The following RETNLB variants were observed in gnomAD, a reference collection of about 807,000 sequenced individuals.
RETNLB encodes resistin-like beta.
RETNLB carries 11 observed loss-of-function variants against 6.8 expected under a neutral mutation model. That is an observed-to-expected ratio of 1.62 (90% CI 1.02 to 2.68). The LOEUF is 2.68. Among genes scored for constraint, RETNLB ranks in the 30% most tolerant of loss-of-function variants. The pLI, the probability that RETNLB is intolerant of heterozygous loss-of-function variation, is 0.00. For synonymous variants in RETNLB, 57 were observed against 54.2 expected (o/e 1.05, Z -0.23); for missense variants, 146 against 135.7 (o/e 1.08, Z -0.38).
chr3:108,756,939 C>T lies in RETNLB; in HGVS notation c.127+120G>A, dbSNP rs1945254439. 7.7e-6 allele frequency: 9 copies of T among 1,163,632 alleles called. No individual in the cohort carries two copies. The Admixed American group carries it at 2.2e-4, about 29-fold the overall frequency. The allele number at this position is 1,163,632 out of a possible 1,614,324, so 72.1% of individuals were successfully genotyped here. A position where few individuals can be genotyped will look rare whatever the true frequency, so the allele number is the denominator to read the frequency against. On this transcript the variant is annotated intron_variant, in intron 1 of 2. Coordinates refer to ENST00000295755, the MANE Select transcript of RETNLB (RefSeq NM_032579.3). ...AACACGGGTAGGGTAGTGTAGAAAG[C>T]CCTCATCAGGGGTTGGGCTTGGTTG... is the stretch of plus-strand genomic sequence containing the variant.
chr3:108,756,187 T>G (rs1945249161), intron 2 of RETNLB, among the ~76,000 whole-genome samples: 1 of 152,144 alleles, frequency 6.6e-6, no homozygotes, highest in African/African-American at 2.4e-5. Flanking sequence ...TGTTGGCCCC[T>G]ACCCATCAAA....
At chr3:108,756,614 A>T (rs770382605) in intron 1 of RETNLB, 26 bp from the exon 2 acceptor site, 1 of 1,495,392 alleles carries the variant, frequency 6.7e-7, no homozygotes, top group South Asian at 1.1e-5. Flanking sequence ...GAAAGGGTAC[A>T]TCCCATGAGC....
At chr3:108,756,003 A>C (rs76279379) in intron 2 of RETNLB, 98 bp from the exon 3 acceptor site, 1 of 1,450,800 alleles carries the variant, frequency 6.9e-7, no homozygotes, top group Admixed American at 1.8e-5. Flanking sequence ...AGTCAGGGGT[A>C]GAGCTAGGTT....
chr3:108,756,918 CG>C (rs1945254112), intron 1 of RETNLB, 140 bp downstream of exon 1: 1 of 935,712 alleles, frequency 1.1e-6, no homozygotes, highest in African/African-American at 1.7e-5. Flanking sequence ...ACTTCAAACA[CG>C]GGTAGGGTAG....
At position 108,756,637 on chromosome 3, in the gene RETNLB, AATCCCCTT is replaced by A. The variant is rs781438867; in HGVS notation, c.128-57_128-50del. 56 of 1,297,398 alleles carry A rather than the reference AATCCCCTT, an allele frequency of 4.3e-5. No individual in the cohort carries two copies. The South Asian group carries it at 5.9e-4, about 14-fold the overall frequency. 80.4% of individuals were successfully genotyped at this position (1,297,398 alleles called of 1,614,324 possible). On this transcript the variant is annotated intron_variant, in intron 1 of 2. Transcript: ENST00000295755. ...ACATCCCATGAGCTATCCTCCCCAT[AATCCCCTT>A]ATCCCCTTCCAAATTGTCTTCTACC...
chr3:108,755,843 T>C lies in RETNLB; in HGVS notation c.271A>G (p.Thr91Ala). 3 of 1,613,256 alleles carry C rather than the reference T, an allele frequency of 1.9e-6. No homozygotes were observed. Among genetic ancestry groups the C allele is most frequent in the Non-Finnish European group, 1.7e-6 (2 of 1,179,920 alleles). The change falls in exon 3 of 3, where the codon ACC becomes GCC. Residue 91 changes from threonine to alanine, a missense_variant. Coordinates refer to ENST00000295755, the MANE Select transcript of RETNLB (RefSeq NM_032579.3). ...GCGSWDVQLE[T>A]TCHCQCSVVD... The stretch of plus-strand genomic sequence containing the variant: ...ACACTGCACTGGCAGTGGCAGGTGG[T>C]TTCCAGCTGAACATCCCACGAACCA...
chr3:108,756,874 C>T (rs1326280326), intron 1 of RETNLB, 185 bp downstream of exon 1: 4 of 650,664 alleles, frequency 6.1e-6, no homozygotes, highest in Non-Finnish European at 1.0e-5. Context: ...CCACCTCTTC[C>T]TCCTCATCAG....
chr3:108,755,935 G>C, intron 2 of RETNLB, 30 bp from the exon 3 acceptor site: 1 of 1,613,862 alleles, frequency 6.2e-7, no homozygotes, highest in Non-Finnish European at 8.5e-7. Flanking sequence ...ACAGACATCA[G>C]AGCTCTTGGA....
At chr3:108,756,019 G>A in intron 2 of RETNLB, 114 bp from the exon 3 acceptor site, 2 of 1,200,834 alleles carry the variant, frequency 1.7e-6, no homozygotes, top group Non-Finnish European at 2.4e-6. Flanking sequence ...AGGTTTCGTG[G>A]GGCCTCAAGC....
chr3:108,756,834 G>A (rs994668319), intron 1 of RETNLB: 24 of 595,466 alleles, frequency 4.0e-5, no homozygotes, highest in African/African-American at 3.5e-4. Flanking sequence ...TTCATAATGA[G>A]TGTTCATAAA....
intron 2 of RETNLB, 86 bp from the exon 3 acceptor site, chr3:108,755,991 G>A: frequency 1.3e-6 from 2 of 1,534,586 alleles, no homozygotes; most frequent in African/African-American, 2.7e-5. Flanking sequence ...TCAACCCTGT[G>A]CAGTCAGGGG....
At position 108,755,779 on chromosome 3, in the gene RETNLB, C is replaced by G. The variant is rs985490094; in HGVS notation, c.335G>C (p.Ter112SerextTer5). ...ACTGAGTTCTCAGCCTCCTCCCTGT[C>G]AGGTCAGGTGGCAGCAGCGGGCAGT... ...WTTARCCHLT* is the reference protein window; with the variant it reads ...WTTARCCHLTS Residue 112 changes from the stop codon to serine (S), a stop_lost, in exon 3 of 3, where the codon TGA (stop) becomes TCA (serine). Coordinates refer to ENST00000295755, the MANE Select transcript of RETNLB (RefSeq NM_032579.3). The G allele has an allele frequency of 2.0e-5, 32 of 1,613,452 alleles. No individual in the cohort carries two copies. The highest frequency in any genetic ancestry group is 2.6e-5 in the Non-Finnish European group (31 of 1,179,546).
intron 2 of RETNLB, 33 bp from the exon 3 acceptor site, chr3:108,755,938 C>G: frequency 6.2e-7 from 1 of 1,613,746 alleles, no homozygotes; most frequent in Non-Finnish European, 8.5e-7. Flanking sequence ...GACATCAGAG[C>G]TCTTGGAATT....
intron 1 of RETNLB, chr3:108,756,822 G>A: frequency 5.1e-6 from 3 of 590,872 alleles, no homozygotes; most frequent in Non-Finnish European, 8.9e-6. Flanking sequence ...GATTATACCT[G>A]GTTCATAATG....
Position 108,756,952 on chromosome 3 carries a change from T to G in RETNLB, c.127+107A>C, listed in dbSNP as rs538620394. On this transcript the variant is annotated intron_variant, in intron 1 of 2. Transcript: ENST00000295755. The stretch of plus-strand genomic sequence containing the variant: ...TAGTGTAGAAAGCCCTCATCAGGGG[T>G]TGGGCTTGGTTGGGATCTTGGGATG... 14 of 1,316,052 alleles carry G rather than the reference T, an allele frequency of 1.1e-5. No homozygotes were observed. The South Asian group carries it at 2.1e-4, about 20-fold the overall frequency. 81.5% of individuals were successfully genotyped at this position (1,316,052 alleles called of 1,614,324 possible). A position where few individuals can be genotyped will look rare whatever the true frequency, so the allele number is the denominator to read the frequency against.
chr3:108,756,890 C>T, intron 1 of RETNLB, 169 bp downstream of exon 1: 1 of 724,552 alleles, frequency 1.4e-6, no homozygotes. Flanking sequence ...ATCAGGAAAA[C>T]CTCAGCTTTT....
At chr3:108,756,459 GA>G (rs1945250827) in intron 2 of RETNLB, 48 bp downstream of exon 2, 1 of 1,212,806 alleles carries the variant, frequency 8.2e-7, no homozygotes, top group Non-Finnish European at 1.2e-6. Context: ...ATGGACAGGG[GA>G]GGATACAGGG....
rs1157199793 is a variant in RETNLB at position 108,756,515 on chromosome 3, G to T, written c.201C>A (p.Cys67Ter). 2 of 1,608,992 alleles carry T rather than the reference G, an allele frequency of 1.2e-6. No individual in the cohort carries two copies. Among genetic ancestry groups the T allele is most frequent in the African/African-American group, 1.3e-5 (1 of 74,938 alleles). Residue 67 changes from cysteine (C) to a stop codon, truncating the protein, a stop_gained, in exon 2 of 3, where the codon TGC (cysteine) becomes TGA (stop). Coordinates refer to ENST00000295755, the MANE Select transcript of RETNLB (RefSeq NM_032579.3). LOFTEE classifies it low-confidence loss of function (END_TRUNC). ...TCTCAGGGAGTTACTCACCAGCAGG[G>T]CAGGAGGACGGTCTGCCTTGGCTTT... ...SVKSQGRPSS[C>*]PAGMAVTGCA...
In RETNLB at chr3:108,755,782, G is replaced by A. The variant is rs1390738633; in HGVS notation, c.332C>T (p.Thr111Ile). 2 of 1,613,940 alleles carry A rather than the reference G, an allele frequency of 1.2e-6. No homozygotes were observed. The highest frequency in any genetic ancestry group is 1.1e-5 in the South Asian group (1 of 91,064). The change falls in exon 3 of 3, where the codon ACC becomes ATC. Residue 111 changes from threonine (T) to isoleucine (I), a missense_variant. Coordinates refer to ENST00000295755, the MANE Select transcript of RETNLB (RefSeq NM_032579.3). ...DWTTARCCHL[T>I] ...GAGTTCTCAGCCTCCTCCCTGTCAGGTCAGGTGGCAGCAGCGGGCAGTGGT... is the reference window on the plus strand; with the variant it reads ...GAGTTCTCAGCCTCCTCCCTGTCAGATCAGGTGGCAGCAGCGGGCAGTGGT...
Sources: gnomAD v4.1 joint callset for allele counts (sites outside exome capture counted in the v4.1 genomes callset) on GRCh38, gnomAD v4.1.1 for gene constraint, MANE v1.5 for transcripts, NCBI Gene and HGNC (gene_info 2026-07-23, HGNC 2026-07-21) for gene names.